MSN: variants seen among roughly 807,000 people sequenced by gnomAD.
MSN encodes epididymis luminal protein 70.
Under a neutral mutation model 48.0 loss-of-function variants are expected in MSN, and 2 were observed. The observed-to-expected ratio is 0.04, with a 90% confidence interval of 0.02 to 0.13. The LOEUF (loss-of-function observed/expected upper bound fraction) is 0.13, where lower values mean the gene tolerates loss of function less well. MSN is among the 10% of genes least tolerant of loss of function. MSN has a pLI of 1.00. For missense variants in MSN, 267 were observed against 470.1 expected (o/e 0.57, Z 3.99); for synonymous variants, 146 against 166.9 (o/e 0.87, Z 0.97).
At chrX:65,702,441 G>A (rs770053528) in intron 1 of MSN, among the ~76,000 whole-genome samples, 38 of 104,626 alleles carry the variant, frequency 3.6e-4, no homozygotes, top group African/African-American at 1.2e-3. Context: ...AAAGGCGGTC[G>A]AATCACTTAA....
At chrX:65,624,427 G>A (rs1307271367) in intron 1 of MSN, among the ~76,000 whole-genome samples, 1 of 110,321 alleles carries the variant, frequency 9.1e-6, no homozygotes, top group Non-Finnish European at 1.9e-5. Flanking sequence ...CTGTGCAAAA[G>A]TTTGTCAATT....
At chrX:65,612,053 T>A (rs1369542613) in intron 1 of MSN, among the ~76,000 whole-genome samples, 1 of 111,952 alleles carries the variant, frequency 8.9e-6, no homozygotes, top group African/African-American at 3.3e-5. Flanking sequence ...TTAAATTGGG[T>A]TGTGCTATGG....
chrX:65,674,802 A>C (rs966834893), intron 1 of MSN, among the ~76,000 whole-genome samples: 1 of 111,669 alleles, frequency 9.0e-6, no homozygotes, highest in Non-Finnish European at 1.9e-5. Flanking sequence ...AAGACCTTTC[A>C]AGCCTCCGTG....
chrX:65,609,311 T>C (rs1446659219), intron 1 of MSN, among the ~76,000 whole-genome samples: 3 of 109,939 alleles, frequency 2.7e-5, no homozygotes, highest in Non-Finnish European at 3.8e-5. Context: ...ATATAGGGTT[T>C]CCATGCCTAC....
chrX:65,641,941 C>A (rs1054922449), intron 1 of MSN, among the ~76,000 whole-genome samples: 2 of 108,104 alleles, frequency 1.9e-5, no homozygotes, highest in Non-Finnish European at 3.8e-5. Context: ...TCGAGACCAG[C>A]GTGACCAACA....
intron 1 of MSN, among the ~76,000 whole-genome samples, chrX:65,603,127 C>G (rs923990467): frequency 9.0e-6 from 1 of 111,686 alleles, no homozygotes; most frequent in African/African-American, 3.3e-5. Context: ...AACCTCGTCT[C>G]TACTAAAAAT....
At chrX:65,665,208 G>A (rs185468859), upstream of MSN, among the ~76,000 whole-genome samples, 30 of 111,947 alleles carry the variant, frequency 2.7e-4, no homozygotes, top group Middle Eastern at 9.1e-3. Context: ...TAAATTCTTT[G>A]TCTTTAGGCA....
At chrX:65,728,132 C>A (rs1377995619) in intron 3 of MSN, among the ~76,000 whole-genome samples, 1 of 111,609 alleles carries the variant, frequency 9.0e-6, no homozygotes, top group East Asian at 2.8e-4. Flanking sequence ...GGCCAGCATT[C>A]AAAGAAGAAG....
At chrX:65,673,886 A>T (rs745326345) in intron 1 of MSN, among the ~76,000 whole-genome samples, 1 of 111,545 alleles carries the variant, frequency 9.0e-6, no homozygotes, top group Non-Finnish European at 1.9e-5. Flanking sequence ...GCTTGGCTCC[A>T]GTGTAGGGGA....
At chrX:65,739,225 C>T (rs375715517) in intron 12 of MSN, 31 bp downstream of exon 12, 541 of 1,145,318 alleles carry the variant, frequency 4.7e-4, no homozygotes, top group Non-Finnish European at 5.9e-4. Flanking sequence ...GGCAAGGAAA[C>T]TATATGCATT....
intron 1 of MSN, among the ~76,000 whole-genome samples, chrX:65,604,384 T>C (rs1315086696): frequency 9.0e-6 from 1 of 111,463 alleles, no homozygotes; most frequent in Non-Finnish European, 1.9e-5. Flanking sequence ...AGATAGAATA[T>C]TTGAAATCAT....
At chrX:65,710,810 A>T (rs1418389341) in intron 1 of MSN, among the ~76,000 whole-genome samples, 1 of 110,715 alleles carries the variant, frequency 9.0e-6, no homozygotes, top group African/African-American at 3.3e-5. Flanking sequence ...TCCTGGGTTC[A>T]AGCGATTCTC....
chrX:65,719,350 T>A (rs2147502291), intron 2 of MSN, among the ~76,000 whole-genome samples: 1 of 112,313 alleles, frequency 8.9e-6, no homozygotes. Context: ...TCAGAAAATT[T>A]ATCTCTGGCA....
chrX:65,687,182 TA>T (rs1010426611), intron 1 of MSN, among the ~76,000 whole-genome samples: 1 of 111,236 alleles, frequency 9.0e-6, no homozygotes, highest in Non-Finnish European at 1.9e-5. Context: ...CCGTCTCTAC[TA>T]AAAATACTAA....
chrX:65,685,672 G>A (rs1341871474), intron 1 of MSN, among the ~76,000 whole-genome samples: 4 of 111,613 alleles, frequency 3.6e-5, no homozygotes, highest in African/African-American at 6.5e-5. Context: ...CTTGGCTCAC[G>A]GTAGCCTCCA....
At chrX:65,588,432 A>G (rs1010540516) in exon 1 of MSN, 6 of 383,613 alleles carry the variant, frequency 1.6e-5, no homozygotes, top group African/African-American at 2.7e-5. Context: ...GCTCTTGGCT[A>G]TCTCTTCCCT....
In MSN at chrX:65,590,991, T is replaced by C. The variant is rs543550309; in HGVS notation, c.-22+2379T>C. Among the ~76,000 whole-genome samples, 5 of 111,431 alleles carry C rather than the reference T, an allele frequency of 4.5e-5. No individual in the cohort carries two copies. The South Asian group carries it at 1.9e-3, about 42-fold the overall frequency. ...CCCTCTCAATCTAGCTGATATCTTC[T>C]GTTTGTTGCCTGCATTGGTGGAATT... On this transcript the variant is annotated intron_variant, in intron 1 of 3. Coordinates refer to the MSN transcript ENST00000609672.
chrX:65,683,005 C>T (rs1009135736), intron 1 of MSN, among the ~76,000 whole-genome samples: 1 of 112,192 alleles, frequency 8.9e-6, no homozygotes, highest in South Asian at 3.7e-4. Flanking sequence ...CATATCTTCA[C>T]ATAATACAGT....
At chrX:65,682,188 T>A (rs2071063036) in intron 1 of MSN, among the ~76,000 whole-genome samples, 1 of 112,295 alleles carries the variant, frequency 8.9e-6, no homozygotes. Context: ...GCCTGCCATG[T>A]ACTGTGGGAA....
Sources: allele counts gnomAD v4.1 joint callset (sites outside exome capture counted in the v4.1 genomes callset), GRCh38; gene constraint gnomAD v4.1.1; transcripts MANE v1.5; gene names NCBI Gene and HGNC (gene_info 2026-07-23, HGNC 2026-07-21).